MRTFB: variants seen among roughly 807,000 people sequenced by gnomAD.
MRTFB encodes myocardin-related transcription factor B.
MRTFB carries 29 observed loss-of-function variants against 104.2 expected under a neutral mutation model. That is an observed-to-expected ratio of 0.28 (90% CI 0.21 to 0.38). MRTFB has a LOEUF of 0.38. Ranked by LOEUF, MRTFB falls within the 10% of genes least tolerant of loss-of-function variation. The pLI is 1.00. For synonymous variants in MRTFB, 535 were observed against 519.5 expected (o/e 1.03, Z -0.41); for missense variants, 1,270 against 1,341.6 (o/e 0.95, Z 0.83).
intron 8 of MRTFB, among the ~76,000 whole-genome samples, chr16:14,222,722 C>T (rs1018680393): frequency 6.6e-6 from 1 of 151,750 alleles, no homozygotes; most frequent in African/African-American, 2.4e-5. Context: ...CCTTGAACAT[C>T]AGTGATCATT....
chr16:14,089,071 A>T (rs1281804097), intron 2 of MRTFB, among the ~76,000 whole-genome samples: 1 of 152,210 alleles, frequency 6.6e-6, no homozygotes, highest in African/African-American at 2.4e-5. Context: ...GTTATCTTGT[A>T]GCAAGCAGAG....
At chr16:14,093,331 A>G (rs1263596141) in intron 2 of MRTFB, among the ~76,000 whole-genome samples, 1 of 152,060 alleles carries the variant, frequency 6.6e-6, no homozygotes, top group Non-Finnish European at 1.5e-5. Flanking sequence ...CTTCCATATG[A>G]CAAGATATTA....
At chr16:14,194,319 G>C (rs1189153099) in intron 3 of MRTFB, among the ~76,000 whole-genome samples, 1 of 152,224 alleles carries the variant, frequency 6.6e-6, no homozygotes, top group African/African-American at 2.4e-5. Flanking sequence ...TTCCAGGCTT[G>C]TAGCCTTCTT....
intron 3 of MRTFB, among the ~76,000 whole-genome samples, chr16:14,191,459 T>G (rs1317745348): frequency 6.6e-6 from 1 of 152,240 alleles, no homozygotes; most frequent in Non-Finnish European, 1.5e-5. Flanking sequence ...TAACTGTATC[T>G]GTACCATTCT....
chr16:14,201,534 T>C (rs2040704438), intron 3 of MRTFB, among the ~76,000 whole-genome samples: 1 of 152,224 alleles, frequency 6.6e-6, no homozygotes, highest in South Asian at 2.1e-4. Context: ...TTAGGGCCAG[T>C]GGTACTAACT....
the MRTFB span, among the ~76,000 whole-genome samples, chr16:14,039,305 G>A: frequency 6.6e-6 from 1 of 152,186 alleles, no homozygotes; most frequent in Non-Finnish European, 1.5e-5. Flanking sequence ...GGGCATTGGA[G>A]AAAGCAGGAG....
chr16:14,206,077 A>G (rs765947950), intron 3 of MRTFB, among the ~76,000 whole-genome samples: 3 of 152,084 alleles, frequency 2.0e-5, no homozygotes, highest in East Asian at 1.9e-4. Context: ...CCATGCAGAT[A>G]TAAACATGGA....
the MRTFB span, among the ~76,000 whole-genome samples, chr16:14,027,320 T>C: frequency 7.2e-5 from 11 of 152,166 alleles, no homozygotes; most frequent in Non-Finnish European, 1.5e-4. Context: ...TATAATGTCT[T>C]CAAACAACAA....
At chr16:14,017,711 A>ATATTTTTTT in the MRTFB span, among the ~76,000 whole-genome samples, 3 of 33,612 alleles carry the variant, frequency 8.9e-5, 1 homozygote, top group African/African-American at 2.8e-4. Flanking sequence ...ATATATATAT[A>ATATTTTTTT]TTTTTTTTTT....
In MRTFB at chr16:14,186,497, T is replaced by G. The variant is rs535708641; in HGVS notation, c.155-23746T>G. Among the ~76,000 whole-genome samples the G allele has an allele frequency of 5.3e-5, 8 of 152,306 alleles. No individual in the cohort carries two copies. The South Asian group carries it at 1.7e-3, about 32-fold the overall frequency. ...GTCTTCTTAGGTATCAGCAAAGTCT[T>G]CTCTTTTAACAACTAGAAGATTTAT... On this transcript the variant is annotated intron_variant, in intron 3 of 16. Transcript: ENST00000571589.
the MRTFB span, among the ~76,000 whole-genome samples, chr16:14,043,044 G>C: frequency 2.6e-5 from 4 of 152,220 alleles, no homozygotes; most frequent in African/African-American, 9.6e-5. Flanking sequence ...GCCCGCAAAG[G>C]AACGGGTCCT....
At chr16:14,216,263 C>T (rs1216033954) in intron 6 of MRTFB, among the ~76,000 whole-genome samples, 1 of 152,170 alleles carries the variant, frequency 6.6e-6, no homozygotes, top group Non-Finnish European at 1.5e-5. Context: ...CATCCTAAGC[C>T]GACTTATGGG....
intron 2 of MRTFB, among the ~76,000 whole-genome samples, chr16:14,080,025 TTAC>T (rs1165595103): frequency 1.3e-5 from 2 of 152,222 alleles, no homozygotes; most frequent in Non-Finnish European, 2.9e-5. Context: ...CATGATCATT[TTAC>T]TGGCTGCCTA....
At chr16:14,029,489 C>T in the MRTFB span, among the ~76,000 whole-genome samples, 8 of 133,346 alleles carry the variant, frequency 6.0e-5, no homozygotes, top group South Asian at 4.8e-4. Flanking sequence ...TATGTATATA[C>T]ACATTATATA....
rs528232907 is a variant in MRTFB, at chr16:14,262,543, C to G, written c.*1099C>G. On this transcript the variant is annotated 3_prime_UTR_variant, in exon 17 of 17. Coordinates refer to ENST00000571589, the MANE Select transcript of MRTFB (RefSeq NM_001308142.2). ...GTGCCACAAGGTGGGCCTCCACGTCCCTGCCCTGGCCCTCTTTCTTCTGTC... is the reference window on the plus strand; with the variant it reads ...GTGCCACAAGGTGGGCCTCCACGTCGCTGCCCTGGCCCTCTTTCTTCTGTC... 6.6e-6 allele frequency: 1 copy of G among 152,248 alleles called. No individual in the cohort carries two copies. The highest frequency in any genetic ancestry group is 1.5e-5 in the Non-Finnish European group (1 of 68,068). The allele number at this position is 152,248 out of a possible 1,614,324, so 9.4% of individuals were successfully genotyped here. A position where few individuals can be genotyped will look rare whatever the true frequency, so the allele number is the denominator to read the frequency against.
At chr16:14,195,277 G>A (rs1035775178) in intron 3 of MRTFB, among the ~76,000 whole-genome samples, 7 of 152,176 alleles carry the variant, frequency 4.6e-5, no homozygotes, top group Admixed American at 2.6e-4. Flanking sequence ...CGTGGCAAGG[G>A]ATAATGTGGC....
At chr16:14,225,364 A>G (rs929264806) in intron 8 of MRTFB, among the ~76,000 whole-genome samples, 1 of 152,222 alleles carries the variant, frequency 6.6e-6, no homozygotes, top group African/African-American at 2.4e-5. Flanking sequence ...TGTCAGTAAC[A>G]TAGAGGGGGT....
chr16:14,199,506 C>T (rs1017464199), intron 3 of MRTFB, among the ~76,000 whole-genome samples: 6 of 152,186 alleles, frequency 3.9e-5, no homozygotes, highest in East Asian at 1.9e-4. Context: ...CCCAAGACTG[C>T]GCTTCCTAAT....
chr16:14,158,250 A>G (rs1265542887), intron 3 of MRTFB, among the ~76,000 whole-genome samples: 1 of 152,182 alleles, frequency 6.6e-6, no homozygotes, highest in Non-Finnish European at 1.5e-5. Flanking sequence ...AGATTTTTCC[A>G]TGTGTTTCTG....
Sources: gnomAD v4.1 joint callset for allele counts (sites outside exome capture counted in the v4.1 genomes callset) on GRCh38, gnomAD v4.1.1 for gene constraint, MANE v1.5 for transcripts, NCBI Gene and HGNC (gene_info 2026-07-23, HGNC 2026-07-21) for gene names.